DISP3: variants seen among roughly 807,000 people sequenced by gnomAD.
The protein encoded by DISP3 is dispatched RND transporter family member 3.
A neutral mutation model predicts 135.3 loss-of-function variants in DISP3; 101 were observed. The ratio of observed to expected loss-of-function variants is 0.75; its 90% CI spans 0.64 to 0.88. The LOEUF is 0.88. Among genes scored for constraint, DISP3 ranks in the 40% least tolerant of loss-of-function variants. The probability of loss-of-function intolerance (pLI) is 0.00; values close to 1 mark genes in which losing one functional copy is unlikely to be tolerated. For missense variants in DISP3, 1,713 were observed against 1,878.6 expected (o/e 0.91, Z 1.63); for synonymous variants, 856 against 817.0 (o/e 1.05, Z -0.81).
rs1483365573 is a variant in DISP3 at position 11,522,947 on chromosome 1, A to G, written c.2363-995A>G. On this transcript the variant is annotated intron_variant, in intron 10 of 20. Transcript: ENST00000294484. ...AAGGACCCAGCCAGGACCCAGCCAG[A>G]GCCCAACCAGGACCCAGCCAGGACC... 1.2e-3 allele frequency among the ~76,000 whole-genome samples: 107 copies of G among 89,766 alleles called. 3 individuals carry two copies. The highest frequency in any genetic ancestry group is 1.4e-3 in the African/African-American group (33 of 23,628). 58.9% of individuals were successfully genotyped at this position (89,766 alleles called of 152,430 possible).
chr1:11,512,562 T>C (rs1012641057), intron 3 of DISP3, among the ~76,000 whole-genome samples: 12 of 152,200 alleles, frequency 7.9e-5, no homozygotes, highest in Admixed American at 5.9e-4. Flanking sequence ...TTATTGTCCA[T>C]ATCACTATCA....
intron 15 of DISP3, 74 bp downstream of exon 15, chr1:11,530,033 A>G: frequency 6.4e-7 from 1 of 1,553,410 alleles, no homozygotes; most frequent in Non-Finnish European, 8.7e-7. Flanking sequence ...CTGTCCAGGG[A>G]ACCATGTCCA....
intron 13 of DISP3, among the ~76,000 whole-genome samples, chr1:11,528,689 C>T (rs147421586): frequency 0.015 from 2,267 of 152,222 alleles, 52 homozygotes; most frequent in African/African-American, 0.051. Flanking sequence ...CGGTGATACG[C>T]GGGGACTGTG....
In DISP3 at chr1:11,501,981, A is replaced by G. The variant is rs1464751974; in HGVS notation, c.989A>G (p.Tyr330Cys). Residue 330 changes from tyrosine (Y) to cysteine (C), a missense_variant, in exon 2 of 21, where the codon TAC (tyrosine) becomes TGC (cysteine). Tyr to Cys is a radical substitution (Grantham distance 194, BLOSUM62 -2). Around this residue, in one of 2 missense-constraint regions of DISP3, gnomAD observed 571 missense variants for 494.1 expected, o/e 1.16. Coordinates refer to ENST00000294484, the MANE Select transcript of DISP3 (RefSeq NM_020780.2). The surrounding 1 kb of genome is among the most constrained non-coding windows in gnomAD (Gnocchi z 4.9). ...CTCAAGGATCTGCCGCTGGGCTCCT[A>G]CTCCTACTGCTCGCCCCCCAGCTCG... Reference protein sequence around the residue: ...EVLKDLPLGSYSYCSPPSSLM... With the variant: ...EVLKDLPLGSCSYCSPPSSLM... 2 of 1,613,212 alleles carry G rather than the reference A, an allele frequency of 1.2e-6. No individual in the cohort carries two copies. The highest frequency in any genetic ancestry group is 1.3e-5 in the African/African-American group (1 of 74,762).
In DISP3 at chr1:11,520,440, G is replaced by T. The variant is rs1642152454; in HGVS notation, c.2201-247G>T. 6.6e-6 allele frequency among the ~76,000 whole-genome samples: 1 copy of T among 152,142 alleles called. No homozygotes were observed. Among genetic ancestry groups the T allele is most frequent in the Non-Finnish European group, 1.5e-5 (1 of 68,024 alleles). On this transcript the variant is annotated intron_variant, in intron 9 of 20. Coordinates refer to ENST00000294484, the MANE Select transcript of DISP3 (RefSeq NM_020780.2). The surrounding 1 kb of genome is among the most constrained non-coding windows in gnomAD (Gnocchi z 4.8). The stretch of plus-strand genomic sequence containing the variant: ...TGCTCTGAGGTGGTGGCCGCCTCTT[G>T]TCCAGGAGTATTAGATTATAGCTTA...
intron 3 of DISP3, among the ~76,000 whole-genome samples, chr1:11,509,750 C>T (rs1641806149): frequency 6.6e-6 from 1 of 152,110 alleles, no homozygotes; most frequent in South Asian, 2.1e-4. Context: ...TATCCCTTTG[C>T]TTTTATCCTA....
rs1557602716 is a variant in DISP3, at chr1:11,504,435, G to A, written c.1316+1538G>A. Among the ~76,000 whole-genome samples, 5 of 152,302 alleles carry A rather than the reference G, an allele frequency of 3.3e-5. No individual in the cohort carries two copies. In the South Asian group the frequency reaches 8.3e-4, roughly 25 times the overall value. The stretch of plus-strand genomic sequence containing the variant: ...AGGCAAGCTCCTATTCATCTATTAA[G>A]ATCCAGCTTGGGCAGCATTGCCCAG... On this transcript the variant is annotated intron_variant, in intron 3 of 20. Coordinates refer to ENST00000294484, the MANE Select transcript of DISP3 (RefSeq NM_020780.2).
intron 13 of DISP3, among the ~76,000 whole-genome samples, chr1:11,527,907 T>G (rs2594302): frequency 0.15 from 22,495 of 152,164 alleles, 2,014 homozygotes; most frequent in East Asian, 0.45. Flanking sequence ...CGTCACCCAC[T>G]GCTCTCCTGG....
intron 15 of DISP3, among the ~76,000 whole-genome samples, 179 bp from the exon 16 acceptor site, chr1:11,530,728 C>T (rs1202380735): frequency 2.6e-5 from 4 of 151,486 alleles, no homozygotes; most frequent in African/African-American, 7.3e-5. Flanking sequence ...ATGTTGCTGG[C>T]GGGGGCAGGG....
intron 3 of DISP3, among the ~76,000 whole-genome samples, chr1:11,510,302 A>C (rs143856353): frequency 6.6e-6 from 1 of 151,644 alleles, no homozygotes; most frequent in Non-Finnish European, 1.5e-5. Context: ...ATTCTATTTT[A>C]TCTCCTTTGT....
At position 11,501,451 on chromosome 1, in the gene DISP3, A is replaced by T; in HGVS notation, c.459A>T (p.Ser153=). The part of the protein sequence containing the change: ...FTSETLQRLI[S]EQLQQLHLGN... ...CCGAGACGCTTCAGCGCCTTATCTC[A>T]GAGCAGCTGCAGCAGCTGCATCTCG... The change falls in exon 2 of 21, where the codon TCA becomes TCT. Residue 153 remains serine (S), a synonymous_variant. Coordinates refer to ENST00000294484, the MANE Select transcript of DISP3 (RefSeq NM_020780.2). The surrounding 1 kb of genome is among the most constrained non-coding windows in gnomAD (Gnocchi z 4.9). 1.9e-6 allele frequency: 3 copies of T among 1,600,928 alleles called. No individual in the cohort carries two copies. The South Asian group carries it at 3.3e-5, about 18-fold the overall frequency.
intron 18 of DISP3, 28 bp from the exon 19 acceptor site, chr1:11,534,983 C>T (rs374142875): frequency 5.2e-6 from 8 of 1,540,782 alleles, no homozygotes; most frequent in Non-Finnish European, 5.2e-6. Context: ...CACACAGCAG[C>T]GCACTGAGGC....
chr1:11,500,997 A>G lies in DISP3; in HGVS notation c.5A>G (p.Asp2Gly), dbSNP rs749765618. The G allele has an allele frequency of 6.2e-7, 1 of 1,613,804 alleles. No homozygotes were observed. Among genetic ancestry groups the G allele is most frequent in the Non-Finnish European group, 8.5e-7 (1 of 1,179,970 alleles). Residue 2 changes from aspartate to glycine, a missense_variant, in exon 2 of 21, where the codon GAC becomes GGC. By Grantham distance (94) the Asp-to-Gly change is moderately conservative (BLOSUM62 -1). Around this residue, in one of 2 missense-constraint regions of DISP3, gnomAD observed 571 missense variants for 494.1 expected, o/e 1.16. Coordinates refer to ENST00000294484, the MANE Select transcript of DISP3 (RefSeq NM_020780.2). M[D>G]TEDDPLLQDV... is the part of the protein sequence containing the mutation. ...CCTCTCCCTCTCCTGCAGACTATGGACACGGAGGATGACCCCTTGCTGCAG... is the reference window on the plus strand; with the variant it reads ...CCTCTCCCTCTCCTGCAGACTATGGGCACGGAGGATGACCCCTTGCTGCAG...
At chr1:11,535,397 G>A in intron 19 of DISP3, 81 bp from the exon 20 acceptor site, 2 of 1,514,130 alleles carry the variant, frequency 1.3e-6, no homozygotes, top group South Asian at 2.5e-5. Flanking sequence ...TGAGGGTGGG[G>A]GCTGGACTCC....
At chr1:11,480,776 C>CTACT (rs1361784520) in intron 1 of DISP3, among the ~76,000 whole-genome samples, 7 of 151,312 alleles carry the variant, frequency 4.6e-5, no homozygotes, top group African/African-American at 1.5e-4. Flanking sequence ...CCACCTCCTA[C>CTACT]TACTACACCT....
chr1:11,519,758 C>G lies in DISP3; in HGVS notation c.2078C>G (p.Ser693Cys), dbSNP rs1310205378. The change falls in exon 9 of 21, where the codon TCC becomes TGC. Residue 693 changes from serine (S) to cysteine (C), a missense_variant. By Grantham distance (112) the Ser-to-Cys change is moderately radical. Around this residue, in one of 2 missense-constraint regions of DISP3, gnomAD observed 1,142 missense variants for 1,384.6 expected, o/e 0.82. Transcript: ENST00000294484. This position sits in a 1 kb window ranked among gnomAD's most constrained non-coding sequence, Gnocchi z 4.3. ...GGAGACGTGTCCCTGGTGTCTGTGT[C>G]CCCCGAGGGTCTGCAGCCAGCCTCC... ...ELGDVSLVSV[S>C]PEGLQPASNT... 1.2e-6 allele frequency: 2 copies of G among 1,613,022 alleles called. No homozygotes were observed. Among genetic ancestry groups the G allele is most frequent in the South Asian group, 2.2e-5 (2 of 91,068 alleles).
chr1:11,517,497 C>T lies in DISP3; in HGVS notation c.1784C>T (p.Ser595Phe). Residue 595 changes from serine (S) to phenylalanine (F), a missense_variant, in exon 7 of 21, where the codon TCT (serine) becomes TTT (phenylalanine). This residue lies in a region of DISP3 where 1,142 missense variants were observed against 1,384.6 expected (regional missense o/e 0.82). Coordinates refer to ENST00000294484, the MANE Select transcript of DISP3 (RefSeq NM_020780.2). ...PAVHDFGLFM[S>F]LIVSCCWLAV... ...GTCCACGACTTTGGCCTGTTCATGT[C>T]TCTCATCGTGTCCTGTTGCTGGCTG... 6.2e-7 allele frequency: 1 copy of T among 1,614,244 alleles called. No individual in the cohort carries two copies. Among genetic ancestry groups the T allele is most frequent in the Non-Finnish European group, 8.5e-7 (1 of 1,180,042 alleles).
chr1:11,495,654 T>C (rs1417548776), intron 1 of DISP3, among the ~76,000 whole-genome samples: 1 of 152,200 alleles, frequency 6.6e-6, no homozygotes, highest in East Asian at 1.9e-4. Context: ...CAAGGTATAC[T>C]CAGGTCTCTT....
rs1231214090 is a variant in DISP3, at chr1:11,501,955, G to T, written c.963G>T (p.Val321=). Residue 321 remains valine (V), a synonymous_variant, in exon 2 of 21, where the codon GTG becomes GTT. Coordinates refer to ENST00000294484, the MANE Select transcript of DISP3 (RefSeq NM_020780.2). The surrounding 1 kb of genome is among the most constrained non-coding windows in gnomAD (Gnocchi z 4.9). ...AGTTCTGCTGGAAGCCCCACGAGGT[G>T]CTCAAGGATCTGCCGCTGGGCTCCT... ...FREFCWKPHE[V]LKDLPLGSYS... 6.2e-7 allele frequency: 1 copy of T among 1,613,764 alleles called. No individual in the cohort carries two copies. The highest frequency in any genetic ancestry group is 1.3e-5 in the African/African-American group (1 of 74,952).
Sources: gnomAD v4.1 joint callset for allele counts (sites outside exome capture counted in the v4.1 genomes callset) on GRCh38, gnomAD v4.1.1 for gene constraint, gnomAD v4.1.1 regional missense constraint, Gnocchi (gnomAD v3.1) non-coding constraint, MANE v1.5 for transcripts, NCBI Gene and HGNC (gene_info 2026-07-23, HGNC 2026-07-21) for gene names.